The following CSTPP1 variants were observed in gnomAD, a reference collection of about 807,000 sequenced individuals.
The protein encoded by CSTPP1 is centriolar satellite-associated tubulin polyglutamylase complex regulator 1, also known as UPF0705 protein C11orf49.
chr11:47,075,644 G>A, the CSTPP1 span, among the ~76,000 whole-genome samples: 4 of 151,928 alleles, frequency 2.6e-5, no homozygotes, highest in East Asian at 1.9e-4. Context: ...TCGGCCAGGC[G>A]TGGTGGCCTC....
At chr11:46,997,227 C>A in the CSTPP1 span, among the ~76,000 whole-genome samples, 368 of 152,288 alleles carry the variant, frequency 2.4e-3, 1 homozygote, top group African/African-American at 8.1e-3. Context: ...CACATAGTCC[C>A]ATATTTCTTG....
At chr11:47,137,824 T>G in the CSTPP1 span, 1 of 1,279,818 alleles carries the variant, frequency 7.8e-7, no homozygotes, top group Non-Finnish European at 1.1e-6. Context: ...AAAAGGAGCA[T>G]TTAGGGAAGA....
chr11:47,078,516 A>C, the CSTPP1 span, among the ~76,000 whole-genome samples: 1 of 152,172 alleles, frequency 6.6e-6, no homozygotes, highest in Non-Finnish European at 1.5e-5. Flanking sequence ...TGGAGAAGGT[A>C]AGGTCAACGA....
chr11:47,113,950 A>C, the CSTPP1 span, among the ~76,000 whole-genome samples: 1 of 152,146 alleles, frequency 6.6e-6, no homozygotes, highest in Non-Finnish European at 1.5e-5. Flanking sequence ...AGTATTGCCT[A>C]GGTTTTCTTC....
the CSTPP1 span, among the ~76,000 whole-genome samples, chr11:46,956,595 G>C: frequency 6.6e-6 from 1 of 152,146 alleles, no homozygotes; most frequent in South Asian, 2.1e-4. Flanking sequence ...CAGTGAGGTA[G>C]GTTTGCGGTG....
At chr11:46,957,769 A>C in the CSTPP1 span, among the ~76,000 whole-genome samples, 1 of 152,184 alleles carries the variant, frequency 6.6e-6, no homozygotes, top group Non-Finnish European at 1.5e-5. Context: ...TTTATGCTCT[A>C]ATTTTTCTTG....
the CSTPP1 span, among the ~76,000 whole-genome samples, chr11:47,129,075 A>G: frequency 1.3e-5 from 2 of 152,186 alleles, no homozygotes; most frequent in Admixed American, 6.5e-5. Context: ...TGCCTGTTTA[A>G]CCATTTCTGT....
the CSTPP1 span, among the ~76,000 whole-genome samples, chr11:46,984,827 A>G: frequency 2.6e-5 from 4 of 152,160 alleles, no homozygotes; most frequent in African/African-American, 7.2e-5. Flanking sequence ...GACTCTTTTT[A>G]TAAGATCAGG....
At chr11:47,163,333 C>CT in the CSTPP1 span, among the ~76,000 whole-genome samples, 2 of 152,220 alleles carry the variant, frequency 1.3e-5, no homozygotes, top group Non-Finnish European at 2.9e-5. Flanking sequence ...GAGTCTAACT[C>CT]TATCAACTTG....
chr11:47,151,732 A>G, the CSTPP1 span, among the ~76,000 whole-genome samples: 1 of 151,364 alleles, frequency 6.6e-6, no homozygotes, highest in South Asian at 2.1e-4. Context: ...TTGCAGTTGA[A>G]AAAAAACCCT....
chr11:47,001,985 A>G, the CSTPP1 span, among the ~76,000 whole-genome samples: 2 of 152,122 alleles, frequency 1.3e-5, no homozygotes, highest in Admixed American at 6.6e-5. Flanking sequence ...CTACTTATTT[A>G]CGTTAAATTG....
the CSTPP1 span, among the ~76,000 whole-genome samples, chr11:47,065,314 A>AG: frequency 6.7e-6 from 1 of 149,344 alleles, no homozygotes. Flanking sequence ...TTCTTTCAGC[A>AG]ATTTTTTTTT....
the CSTPP1 span, among the ~76,000 whole-genome samples, chr11:47,079,099 G>T: frequency 3.9e-5 from 6 of 152,170 alleles, no homozygotes; most frequent in East Asian, 1.2e-3. Context: ...ATACCAGAGA[G>T]AAGGTTTTCT....
At chr11:46,962,729 C>T in the CSTPP1 span, among the ~76,000 whole-genome samples, 1 of 152,044 alleles carries the variant, frequency 6.6e-6, no homozygotes, top group Non-Finnish European at 1.5e-5. Context: ...TTGAATTGTT[C>T]ATTGCTCATA....
At chr11:47,079,039 G>C in the CSTPP1 span, among the ~76,000 whole-genome samples, 2 of 152,084 alleles carry the variant, frequency 1.3e-5, no homozygotes, top group Non-Finnish European at 2.9e-5. Context: ...GACATTCCAG[G>C]GTTCAAAAAC....
At chr11:46,951,279 A>G in the CSTPP1 span, among the ~76,000 whole-genome samples, 2 of 149,414 alleles carry the variant, frequency 1.3e-5, no homozygotes, top group Admixed American at 1.3e-4. Context: ...AGAATATATG[A>G]TATATTCCTT....
the CSTPP1 span, chr11:47,159,992 G>A: frequency 8.2e-5 from 24 of 292,660 alleles, no homozygotes; most frequent in Non-Finnish European, 8.0e-5. Flanking sequence ...CAACAAGAGC[G>A]AAACTCCATC....
At chr11:47,066,467 G>A in the CSTPP1 span, among the ~76,000 whole-genome samples, 3 of 152,184 alleles carry the variant, frequency 2.0e-5, no homozygotes, top group East Asian at 5.8e-4. Context: ...GAGATGGAAT[G>A]AGATGTCCTG....
the CSTPP1 span, among the ~76,000 whole-genome samples, chr11:47,145,276 G>A: frequency 3.3e-5 from 5 of 151,900 alleles, no homozygotes; most frequent in Non-Finnish European, 7.4e-5. Flanking sequence ...GTGGGCCACC[G>A]CACCCGGCTG....
Sources: allele counts gnomAD v4.1 joint callset (sites outside exome capture counted in the v4.1 genomes callset), GRCh38; gene constraint gnomAD v4.1.1; transcripts MANE v1.5; gene names NCBI Gene and HGNC (gene_info 2026-07-23, HGNC 2026-07-21).